RIMS2: variants seen among roughly 807,000 people sequenced by gnomAD.
The protein encoded by RIMS2 is regulating synaptic membrane exocytosis 2, also known as regulating synaptic membrane exocytosis protein 2.
Under a neutral mutation model 174.4 loss-of-function variants are expected in RIMS2, and 59 were observed. The ratio of observed to expected loss-of-function variants is 0.34; its 90% CI spans 0.27 to 0.42. The LOEUF (loss-of-function observed/expected upper bound fraction) is 0.42. RIMS2 is among the 10% of genes least tolerant of loss of function. The pLI is 1.00. For missense variants in RIMS2, 1,620 were observed against 1,666.3 expected (o/e 0.97, Z 0.48); for synonymous variants, 606 against 572.5 (o/e 1.06, Z -0.84).
At chr8:103,935,220 T>G (rs149952853) in intron 12 of RIMS2, among the ~76,000 whole-genome samples, 2 of 152,186 alleles carry the variant, frequency 1.3e-5, no homozygotes, top group Non-Finnish European at 2.9e-5. Context: ...CCATACACAT[T>G]ATCACTTCTT....
intron 2 of RIMS2, among the ~76,000 whole-genome samples, chr8:103,731,925 C>G (rs1379176543): frequency 1.3e-5 from 2 of 152,144 alleles, no homozygotes; most frequent in Non-Finnish European, 2.9e-5. Flanking sequence ...GGTCACATAT[C>G]TGTCTCTCTT....
intron 1 of RIMS2, among the ~76,000 whole-genome samples, chr8:103,692,060 C>T (rs1590434616): frequency 6.6e-6 from 1 of 152,134 alleles, no homozygotes; most frequent in African/African-American, 2.4e-5. Flanking sequence ...GTCTCTGTCT[C>T]TCTCTTTCTG....
chr8:103,751,748 C>T (rs189717717), intron 2 of RIMS2, among the ~76,000 whole-genome samples: 51,861 of 148,288 alleles, frequency 0.35, 9,794 homozygotes, highest in East Asian at 0.76. Flanking sequence ...ATGTCTTCTT[C>T]TGAGAAGTGT....
At chr8:103,794,880 A>G (rs901646818) in intron 3 of RIMS2, among the ~76,000 whole-genome samples, 3 of 152,248 alleles carry the variant, frequency 2.0e-5, no homozygotes, top group Non-Finnish European at 4.4e-5. Flanking sequence ...CGAAATCACA[A>G]TGAAATACCA....
chr8:103,932,303 T>C (rs2080137550), intron 12 of RIMS2, among the ~76,000 whole-genome samples: 1 of 152,106 alleles, frequency 6.6e-6, no homozygotes, highest in Admixed American at 6.5e-5. Context: ...CAAGGTTGAG[T>C]TGGGTACCAA....
chr8:103,535,997 T>C lies in RIMS2; in HGVS notation c.176+34935T>C, dbSNP rs531687725. Among the ~76,000 whole-genome samples, 464 of 152,334 alleles carry C rather than the reference T, an allele frequency of 3.0e-3. 1 individual carries two copies. The highest frequency in any genetic ancestry group is 4.8e-3 in the Non-Finnish European group (329 of 68,028). On this transcript the variant is annotated intron_variant, in intron 1 of 23. Transcript: ENST00000504942. ...CAAGTCCATCTGTCTTCAATACTTG[T>C]ATTCTTATGATATAGTTGACACAAG...
At chr8:104,142,273 G>A (rs2098589543) in intron 19 of RIMS2, among the ~76,000 whole-genome samples, 1 of 151,778 alleles carries the variant, frequency 6.6e-6, no homozygotes, top group South Asian at 2.1e-4. Context: ...GATTACAGGT[G>A]CCCGCCACCA....
At chr8:103,564,183 C>T (rs1350957146) in intron 1 of RIMS2, among the ~76,000 whole-genome samples, 1 of 152,178 alleles carries the variant, frequency 6.6e-6, no homozygotes. Context: ...TCTCTTTGTT[C>T]AACTCATCCA....
At chr8:103,777,457 T>C (rs925651423) in intron 3 of RIMS2, among the ~76,000 whole-genome samples, 1 of 151,942 alleles carries the variant, frequency 6.6e-6, no homozygotes, top group Non-Finnish European at 1.5e-5. Context: ...AATAAATGAA[T>C]GAAAGGAGTT....
At chr8:104,229,589 C>G (rs2099212231) in intron 19 of RIMS2, among the ~76,000 whole-genome samples, 1 of 152,140 alleles carries the variant, frequency 6.6e-6, no homozygotes, top group African/African-American at 2.4e-5. Flanking sequence ...CATTCTTTTC[C>G]CATTTCTTGC....
At chr8:103,548,146 T>A (rs1332585614) in intron 1 of RIMS2, among the ~76,000 whole-genome samples, 4 of 152,146 alleles carry the variant, frequency 2.6e-5, no homozygotes, top group Non-Finnish European at 5.9e-5. Flanking sequence ...AAGGGACTCC[T>A]CCTTAACTCA....
intron 1 of RIMS2, among the ~76,000 whole-genome samples, chr8:103,664,045 A>G (rs2096637061): frequency 6.6e-6 from 1 of 152,266 alleles, no homozygotes; most frequent in South Asian, 2.1e-4. Flanking sequence ...TTCCCTATTT[A>G]ATCAATGGTG....
rs574425116 is a variant in RIMS2 at position 103,751,382 on chromosome 8, T to G, written c.388-14845T>G. 2.0e-3 allele frequency among the ~76,000 whole-genome samples: 311 copies of G among 151,872 alleles called. 4 individuals carry two copies. The highest frequency in any genetic ancestry group is 7.1e-3 in the African/African-American group (295 of 41,368). On this transcript the variant is annotated intron_variant, in intron 2 of 23. Coordinates refer to ENST00000504942, the Ensembl canonical transcript of RIMS2. ...TTGGGTTGGTTCCAAGTCTTTGCTA[T>G]TGTGAATAATGCCACAATAAACATA... is the stretch of plus-strand genomic sequence containing the variant.
intron 4 of RIMS2, among the ~76,000 whole-genome samples, chr8:103,906,539 C>T (rs1282298130): frequency 6.6e-6 from 1 of 152,216 alleles, no homozygotes; most frequent in African/African-American, 2.4e-5. Flanking sequence ...AGCCACTGCA[C>T]CCAGCATATA....
intron 19 of RIMS2, among the ~76,000 whole-genome samples, chr8:104,142,057 C>T (rs2098583177): frequency 1.3e-5 from 2 of 151,878 alleles, no homozygotes; most frequent in South Asian, 2.1e-4. Context: ...AGAATAATGC[C>T]TGCTACATAG....
chr8:103,602,305 T>C (rs970042876), intron 1 of RIMS2, among the ~76,000 whole-genome samples: 2 of 152,308 alleles, frequency 1.3e-5, no homozygotes, highest in South Asian at 4.1e-4. Flanking sequence ...TTTAAAGTTA[T>C]GACTTTTATT....
intron 19 of RIMS2, among the ~76,000 whole-genome samples, chr8:104,176,063 T>C (rs932480431): frequency 2.0e-5 from 3 of 152,182 alleles, no homozygotes; most frequent in Non-Finnish European, 4.4e-5. Flanking sequence ...TCTGCAGTGC[T>C]GTCTGAAGCA....
At chr8:104,053,955 A>G (rs1288725781) in intron 19 of RIMS2, among the ~76,000 whole-genome samples, 1 of 152,148 alleles carries the variant, frequency 6.6e-6, no homozygotes, top group Non-Finnish European at 1.5e-5. Flanking sequence ...TCAGAAAGGG[A>G]TATTTAACAT....
intron 16 of RIMS2, among the ~76,000 whole-genome samples, chr8:103,983,177 T>A (rs904750013): frequency 6.6e-6 from 1 of 152,266 alleles, no homozygotes; most frequent in Admixed American, 6.5e-5. Flanking sequence ...ACCTAGAAAT[T>A]GACTTAACCA....
Sources: gnomAD v4.1 joint callset for allele counts (sites outside exome capture counted in the v4.1 genomes callset) on GRCh38, gnomAD v4.1.1 for gene constraint, MANE v1.5 for transcripts, NCBI Gene and HGNC (gene_info 2026-07-23, HGNC 2026-07-21) for gene names.